Variants in PTPN14 observed in about 807,000 individuals in gnomAD.
The protein encoded by PTPN14 is tyrosine-protein phosphatase non-receptor type 14.
In PTPN14, 53 loss-of-function variants were observed where a neutral mutation model predicts 126.8. The ratio of observed to expected loss-of-function variants is 0.42; its 90% CI spans 0.34 to 0.53. PTPN14 has a LOEUF of 0.53. Among genes scored for constraint, PTPN14 ranks in the 20% least tolerant of loss-of-function variants. The probability of loss-of-function intolerance (pLI) is 0.08; values close to 1 mark genes in which losing one functional copy is unlikely to be tolerated. For missense variants in PTPN14, 1,257 were observed against 1,552.9 expected (o/e 0.81, Z 3.20); for synonymous variants, 630 against 599.3 (o/e 1.05, Z -0.75).
intron 5 of PTPN14, 38 bp from the exon 6 acceptor site, chr1:214,402,991 G>A (rs373519129): frequency 1.5e-4 from 237 of 1,594,692 alleles, no homozygotes; most frequent in Non-Finnish European, 1.9e-4. Flanking sequence ...ACATGAGGGT[G>A]TGGGCATTTG....
intron 5 of PTPN14, among the ~76,000 whole-genome samples, chr1:214,409,339 T>TG (rs964630742): frequency 2.0e-4 from 30 of 152,250 alleles, no homozygotes; most frequent in African/African-American, 7.0e-4. Context: ...TTTGTCTTTC[T>TG]GTGCCTGGAT....
intron 1 of PTPN14, among the ~76,000 whole-genome samples, chr1:214,550,033 G>A (rs1302976294): frequency 1.3e-5 from 2 of 152,142 alleles, no homozygotes; most frequent in African/African-American, 2.4e-5. Flanking sequence ...CCCTCCAGAG[G>A]AGCACAACCT....
chr1:214,534,739 T>TAAATAAATAAATAAATAAATAAATAAAA (rs1246810260), intron 1 of PTPN14, among the ~76,000 whole-genome samples: 12 of 151,902 alleles, frequency 7.9e-5, no homozygotes, highest in African/African-American at 2.9e-4. Context: ...AATAAATAAA[T>TAAATAAATAAATAAATAAATAAATAAAA]AAAAGACGGA....
chr1:214,493,343 A>G (rs1661291585), intron 1 of PTPN14, among the ~76,000 whole-genome samples: 1 of 152,206 alleles, frequency 6.6e-6, no homozygotes, highest in Non-Finnish European at 1.5e-5. Context: ...GGAACCTCCA[A>G]GCTGTTCCTC....
At chr1:214,366,983 CAAAAA>C (rs60761312) in intron 17 of PTPN14, among the ~76,000 whole-genome samples, 1 of 125,412 alleles carries the variant, frequency 8.0e-6, no homozygotes. Flanking sequence ...GACTCCATCT[CAAAAA>C]AAAAAAAAAA....
chr1:214,524,607 G>A (rs1571645656), intron 1 of PTPN14, among the ~76,000 whole-genome samples: 1 of 152,042 alleles, frequency 6.6e-6, no homozygotes, highest in Non-Finnish European at 1.5e-5. Flanking sequence ...GGCTATGATC[G>A]TGCCACTGCA....
rs377107337 is a variant in PTPN14 at position 214,414,726 on chromosome 1, T to C, written c.345A>G (p.Arg115=). The change falls in exon 4 of 19, where the codon AGA becomes AGG. Residue 115 remains arginine, a splice_region_variant and synonymous_variant. Transcript: ENST00000366956. Reference sequence around the variant, plus strand: ...TTTTGACTTGCAGGTAATACTGATATCTGTTCATGGGAATAGAGGAACAAA... The same window carrying C: ...TTTTGACTTGCAGGTAATACTGATACCTGTTCATGGGAATAGAGGAACAAA... ...NVSWLQQEAT[R]YQYYLQVKKD... is the part of the protein sequence containing the mutation. The C allele has an allele frequency of 2.5e-6, 4 of 1,609,906 alleles. No homozygotes were observed. The Admixed American group carries it at 5.0e-5, about 20-fold the overall frequency.
At chr1:214,500,877 T>G (rs1654670335) in intron 1 of PTPN14, among the ~76,000 whole-genome samples, 2 of 152,164 alleles carry the variant, frequency 1.3e-5, no homozygotes. Flanking sequence ...AAAGGCAGAT[T>G]AGCTTGGAAG....
chr1:214,452,223 C>T (rs376596460), intron 2 of PTPN14, among the ~76,000 whole-genome samples: 26 of 152,314 alleles, frequency 1.7e-4, no homozygotes, highest in African/African-American at 5.1e-4. Context: ...GATACCAAAG[C>T]GCCCATGTGA....
At chr1:214,453,754 T>C (rs925114841) in intron 2 of PTPN14, among the ~76,000 whole-genome samples, 6 of 152,130 alleles carry the variant, frequency 3.9e-5, no homozygotes, top group African/African-American at 1.4e-4. Context: ...AAACAGAGGT[T>C]ATCTGGGAGT....
intron 1 of PTPN14, among the ~76,000 whole-genome samples, chr1:214,506,732 A>T (rs1654854005): frequency 6.6e-6 from 1 of 152,128 alleles, no homozygotes; most frequent in South Asian, 2.1e-4. Context: ...CACATAACTG[A>T]CGCTGCACCC....
rs112798460 is a variant in PTPN14, at chr1:214,387,257, T to C, written c.988-335A>G. ...TATGCCTTCTTTCACAAGAATAACT[T>C]TTAGAAAAGGTAAATTATTCAAGGC... On this transcript the variant is annotated intron_variant, in intron 11 of 18. Coordinates refer to ENST00000366956, the MANE Select transcript of PTPN14 (RefSeq NM_005401.5). 8.4e-3 allele frequency among the ~76,000 whole-genome samples: 1,287 copies of C among 152,332 alleles called. 15 individuals are homozygous for C. Among genetic ancestry groups the C allele is most frequent in the African/African-American group, 0.03 (1,237 of 41,568 alleles).
intron 15 of PTPN14, 115 bp downstream of exon 15, chr1:214,376,104 G>A (rs1571958347): frequency 3.2e-6 from 3 of 923,082 alleles, no homozygotes; most frequent in Non-Finnish European, 3.2e-6. Flanking sequence ...CAATCCCTGA[G>A]GGTCTGGGGA....
rs10522279 is a variant in PTPN14, at chr1:214,460,524, A to AACACACACACACAC, written c.174+4092_174+4105dup. 4.2e-3 allele frequency among the ~76,000 whole-genome samples: 560 copies of AACACACACACACAC among 132,652 alleles called. 5 individuals carry two copies. Among genetic ancestry groups the AACACACACACACAC allele is most frequent in the African/African-American group, 0.016 (517 of 33,260 alleles). The allele number at this position is 132,652 out of a possible 152,430, so 87.0% of individuals were successfully genotyped here. ...AACTCTGCCTTTCCCTGAAAATTCC[A>AACACACACACACAC]ACACACACACACACACACACACACA... is the stretch of plus-strand genomic sequence containing the variant. On this transcript the variant is annotated intron_variant, in intron 2 of 18. Transcript: ENST00000366956.
At chr1:214,489,877 T>C (rs1482775713) in intron 1 of PTPN14, among the ~76,000 whole-genome samples, 1 of 152,220 alleles carries the variant, frequency 6.6e-6, no homozygotes, top group African/African-American at 2.4e-5. Flanking sequence ...GGCCAATTTA[T>C]TTAACCTCTC....
At chr1:214,492,096 G>A (rs1661262710) in intron 1 of PTPN14, among the ~76,000 whole-genome samples, 1 of 151,494 alleles carries the variant, frequency 6.6e-6, no homozygotes, top group Middle Eastern at 3.4e-3. Flanking sequence ...TTTGGGATGA[G>A]ATTTTATTTT....
At chr1:214,491,715 C>T (rs1437937206) in intron 1 of PTPN14, among the ~76,000 whole-genome samples, 2 of 152,082 alleles carry the variant, frequency 1.3e-5, no homozygotes, top group African/African-American at 4.8e-5. Context: ...GCCCTCTAGG[C>T]TTACAATGAA....
At chr1:214,528,363 T>C (rs1655454720) in intron 1 of PTPN14, 1 of 152,172 alleles carries the variant, frequency 6.6e-6, no homozygotes, top group Non-Finnish European at 1.5e-5. Flanking sequence ...TTGTTAATTA[T>C]AACATACTAC....
Position 214,354,104 on chromosome 1 carries a change from G to T in PTPN14, c.*3818C>A, listed in dbSNP as rs538542503. 1 of 152,200 alleles carries T rather than the reference G, an allele frequency of 6.6e-6. No individual in the cohort carries two copies. Among genetic ancestry groups the T allele is most frequent in the Non-Finnish European group, 1.5e-5 (1 of 68,044 alleles). The allele number at this position is 152,200 out of a possible 1,614,324, so 9.4% of individuals were successfully genotyped here. Reference sequence around the variant, plus strand: ...TGTAAGCCATGGTCAAGTCCTACAAGGCCCACCCTCAGCAGTCTACAAAGA... The same window carrying T: ...TGTAAGCCATGGTCAAGTCCTACAATGCCCACCCTCAGCAGTCTACAAAGA... On this transcript the variant is annotated 3_prime_UTR_variant, in exon 19 of 19. Coordinates refer to ENST00000366956, the MANE Select transcript of PTPN14 (RefSeq NM_005401.5).
Sources: allele counts gnomAD v4.1 joint callset (sites outside exome capture counted in the v4.1 genomes callset), GRCh38; gene constraint gnomAD v4.1.1; transcripts MANE v1.5; gene names NCBI Gene and HGNC (gene_info 2026-07-23, HGNC 2026-07-21).